Variants in PARD3 observed in about 807,000 individuals in gnomAD.
PARD3 encodes the protein partitioning defective 3 homolog.
PARD3 carries 75 observed loss-of-function variants against 155.4 expected under a neutral mutation model. The ratio of observed to expected loss-of-function variants is 0.48; its 90% confidence interval spans 0.40 to 0.58. The LOEUF (loss-of-function observed/expected upper bound fraction) is 0.58. Among genes scored for constraint, PARD3 ranks in the 20% least tolerant of loss-of-function variants. The probability of loss-of-function intolerance (pLI) is 0.00; values close to 1 mark genes in which losing one functional copy is unlikely to be tolerated. For synonymous variants in PARD3, 576 were observed against 610.5 expected (o/e 0.94, Z 0.83); for missense variants, 1,642 against 1,721.7 (o/e 0.95, Z 0.82).
At chr10:34,684,874 C>CACAA (rs2093926843) in intron 2 of PARD3, among the ~76,000 whole-genome samples, 1 of 105,798 alleles carries the variant, frequency 9.5e-6, no homozygotes, top group Non-Finnish European at 1.8e-5. Context: ...TATATACACA[C>CACAA]ACATACACAC....
intron 20 of PARD3, among the ~76,000 whole-genome samples, chr10:34,315,127 G>A (rs550003012): frequency 6.6e-6 from 1 of 152,272 alleles, no homozygotes; most frequent in African/African-American, 2.4e-5. Flanking sequence ...TTATCATAAA[G>A]CTGGCTTTCA....
intron 2 of PARD3, among the ~76,000 whole-genome samples, chr10:34,645,084 C>T (rs1477402983): frequency 5.3e-5 from 8 of 152,090 alleles, no homozygotes; most frequent in Non-Finnish European, 1.2e-4. Context: ...AACTCCTGGC[C>T]TCAAATGATC....
chr10:34,794,915 CA>C (rs1385783145), intron 1 of PARD3, among the ~76,000 whole-genome samples: 2 of 152,250 alleles, frequency 1.3e-5, no homozygotes, highest in Non-Finnish European at 2.9e-5. Context: ...GTATCTATGG[CA>C]GAATAAAGAT....
intron 22 of PARD3, among the ~76,000 whole-genome samples, chr10:34,189,992 C>A (rs1950637411): frequency 6.6e-6 from 1 of 152,044 alleles, no homozygotes. Context: ...ACAGAGTGTA[C>A]CATCTGTTGG....
rs370604561 is a variant in PARD3 at position 34,367,720 on chromosome 10, CACAA to C, written c.1707+4774_1707+4777del. On this transcript the variant is annotated intron_variant, in intron 12 of 24. Transcript: ENST00000374788. ...TTGGTCACACACACACATACACACA[CACAA>C]ACAATATGGCAGCCTACACTTGATC... is the stretch of plus-strand genomic sequence containing the variant. Among the ~76,000 whole-genome samples the C allele has an allele frequency of 1.3e-4, 20 of 152,172 alleles. 1 individual carries two copies. In the South Asian group the frequency reaches 3.1e-3, roughly 24 times the overall value.
intron 22 of PARD3, among the ~76,000 whole-genome samples, chr10:34,223,458 T>C (rs1564495779): frequency 6.6e-6 from 1 of 152,198 alleles, no homozygotes. Context: ...TGTTTCTTTA[T>C]TGTTGGGAGA....
chr10:34,446,021 G>A (rs976258792), intron 5 of PARD3, among the ~76,000 whole-genome samples: 4 of 152,190 alleles, frequency 2.6e-5, no homozygotes, highest in Non-Finnish European at 5.9e-5. Context: ...ATGGGCAGAA[G>A]AGTAGGGCAA....
Position 34,295,533 on chromosome 10 carries a change from G to T in PARD3, c.3066-11288C>A, listed in dbSNP as rs545959335. On this transcript the variant is annotated intron_variant, in intron 20 of 24. Coordinates refer to ENST00000374788, the MANE Select transcript of PARD3 (RefSeq NM_001184785.2). ...TAAAGTTCTGGGGGAAGCAGATCCTGTTTATCCAAGACGGAATCCTGGAAC... is the reference window on the plus strand; with the variant it reads ...TAAAGTTCTGGGGGAAGCAGATCCTTTTTATCCAAGACGGAATCCTGGAAC... Among the ~76,000 whole-genome samples the T allele has an allele frequency of 5.9e-5, 9 of 152,248 alleles. No homozygotes were observed. In the South Asian group the frequency reaches 1.9e-3, roughly 32 times the overall value.
intron 22 of PARD3, among the ~76,000 whole-genome samples, chr10:34,244,192 C>T (rs1027715523): frequency 2.0e-5 from 3 of 152,278 alleles, no homozygotes; most frequent in African/African-American, 7.2e-5. Context: ...CAGGATGTTA[C>T]TTTAGACAAT....
rs1342213201 is a variant in PARD3 at position 34,269,859 on chromosome 10, G to A, written c.3217C>T (p.Arg1073Ter). 3 of 1,613,718 alleles carry A rather than the reference G, an allele frequency of 1.9e-6. No homozygotes were observed. The highest frequency in any genetic ancestry group is 1.3e-5 in the African/African-American group (1 of 74,992). Residue 1073 changes from arginine to a stop codon, truncating the protein, a stop_gained, in exon 22 of 25, where the codon CGA (arginine) becomes TGA (stop). Coordinates refer to ENST00000374788, the MANE Select transcript of PARD3 (RefSeq NM_001184785.2). LOFTEE classifies it high-confidence loss of function. ...TGAATTTCAGCATAGTCACGCTCTCGAGCTTGTCGTTCCCTAAATTCTCGA... is the reference window on the plus strand; with the variant it reads ...TGAATTTCAGCATAGTCACGCTCTCAAGCTTGTCGTTCCCTAAATTCTCGA... ...KTREFRERQARERDYAEIQDF... is the reference protein window; with the variant it reads ...KTREFRERQA
intron 1 of PARD3, among the ~76,000 whole-genome samples, chr10:34,784,173 T>A (rs192756895): frequency 1.1e-3 from 169 of 152,272 alleles, no homozygotes; most frequent in African/African-American, 3.6e-3. Flanking sequence ...ACCACGCCAC[T>A]GTACTCCATC....
chr10:34,209,232 T>G (rs1462426876), intron 22 of PARD3, among the ~76,000 whole-genome samples: 1 of 152,212 alleles, frequency 6.6e-6, no homozygotes, highest in Non-Finnish European at 1.5e-5. Flanking sequence ...GTTGTTTGAA[T>G]GAGAAACAAA....
chr10:34,185,610 A>G (rs1006798906), intron 22 of PARD3, among the ~76,000 whole-genome samples: 1 of 151,958 alleles, frequency 6.6e-6, no homozygotes, highest in African/African-American at 2.4e-5. Flanking sequence ...CAGACACGGC[A>G]TTTATCTTTA....
At chr10:34,726,494 A>T (rs1050726383) in intron 1 of PARD3, among the ~76,000 whole-genome samples, 1 of 152,194 alleles carries the variant, frequency 6.6e-6, no homozygotes, top group Non-Finnish European at 1.5e-5. Flanking sequence ...GCTGAGGCAG[A>T]ATCGCTCGAG....
intron 2 of PARD3, among the ~76,000 whole-genome samples, chr10:34,519,089 A>G (rs1025190744): frequency 3.9e-5 from 6 of 152,230 alleles, no homozygotes; most frequent in African/African-American, 1.2e-4. Flanking sequence ...TGAAACATAA[A>G]TAAGGCTCTC....
chr10:34,205,866 T>C (rs1951450730), intron 22 of PARD3, among the ~76,000 whole-genome samples: 1 of 152,178 alleles, frequency 6.6e-6, no homozygotes, highest in Non-Finnish European at 1.5e-5. Context: ...ATGCTCCGGA[T>C]ACAGTCCCCC....
intron 5 of PARD3, among the ~76,000 whole-genome samples, chr10:34,417,682 G>T (rs1034418735): frequency 5.9e-5 from 9 of 152,140 alleles, no homozygotes; most frequent in Admixed American, 2.0e-4. Flanking sequence ...ATTACCAACT[G>T]CATTTACTAC....
intron 3 of PARD3, among the ~76,000 whole-genome samples, chr10:34,514,280 A>G (rs578224194): frequency 2.6e-5 from 4 of 152,208 alleles, no homozygotes; most frequent in African/African-American, 9.7e-5. Context: ...CAATTAAGCA[A>G]ATCTCTACAT....
chr10:34,683,562 A>G (rs2093887564), intron 2 of PARD3, among the ~76,000 whole-genome samples: 1 of 150,338 alleles, frequency 6.7e-6, no homozygotes, highest in African/African-American at 2.5e-5. Flanking sequence ...TTCCAAAGCA[A>G]CAGAAAAGCA....
Sources: gnomAD v4.1 joint callset for allele counts (sites outside exome capture counted in the v4.1 genomes callset) on GRCh38, gnomAD v4.1.1 for gene constraint, MANE v1.5 for transcripts, NCBI Gene and HGNC (gene_info 2026-07-23, HGNC 2026-07-21) for gene names.